PID1: variants seen among roughly 807,000 people sequenced by gnomAD.
PID1 encodes PTB-containing, cubilin and LRP1-interacting protein.
In PID1, 10 loss-of-function variants were observed where a neutral mutation model predicts 19.1. The observed-to-expected ratio is 0.52, with a 90% CI of 0.32 to 0.89. The LOEUF (loss-of-function observed/expected upper bound fraction) is 0.89. PID1 is among the 40% of genes least tolerant of loss of function. The probability of loss-of-function intolerance (pLI) is 0.03; values close to 1 mark genes in which losing one functional copy is unlikely to be tolerated. For synonymous variants in PID1, 130 were observed against 116.0 expected (o/e 1.12, Z -0.78); for missense variants, 248 against 285.3 (o/e 0.87, Z 0.94).
At chr2:229,177,832 C>A (rs999256323) in intron 1 of PID1, among the ~76,000 whole-genome samples, 2 of 152,150 alleles carry the variant, frequency 1.3e-5, no homozygotes, top group African/African-American at 4.8e-5. Context: ...TCAGGAAATG[C>A]TCACGACAAT....
chr2:229,135,461 T>G (rs941585606), intron 2 of PID1, among the ~76,000 whole-genome samples: 3 of 152,110 alleles, frequency 2.0e-5, no homozygotes, highest in Non-Finnish European at 4.4e-5. Context: ...AGAGACAGAA[T>G]TACACTTACA....
intron 1 of PID1, among the ~76,000 whole-genome samples, chr2:229,157,031 C>T (rs1321775362): frequency 6.6e-6 from 1 of 152,172 alleles, no homozygotes; most frequent in Non-Finnish European, 1.5e-5. Context: ...AGCCCTTCCT[C>T]ATCAAAATAT....
chr2:229,138,980 G>GAAGAACGA lies in PID1; in HGVS notation c.177+16837_177+16838insTCGTTCTT, dbSNP rs1329960601. Among the ~76,000 whole-genome samples, 157 of 67,042 alleles carry GAAGAACGA rather than the reference G, an allele frequency of 2.3e-3. 5 individuals carry two copies. Among genetic ancestry groups the GAAGAACGA allele is most frequent in the African/African-American group, 8.9e-3 (144 of 16,212 alleles). 44.0% of individuals were successfully genotyped at this position (67,042 alleles called of 152,430 possible). Reference sequence around the variant, plus strand: ...AAAGAGAAATAAATAGAAAAAAATAGAAGAAAGAAAGAAAGAAAGAAAGAA... The same window carrying GAAGAACGA: ...AAAGAGAAATAAATAGAAAAAAATAGAAGAACGAAAGAAAGAAAGAAAGAAAGAAAGAA... On this transcript the variant is annotated intron_variant, in intron 2 of 2. Coordinates refer to ENST00000392055, the MANE Select transcript of PID1 (RefSeq NM_001100818.2).
At chr2:229,156,517 G>A (rs760223810) in intron 1 of PID1, among the ~76,000 whole-genome samples, 5 of 152,104 alleles carry the variant, frequency 3.3e-5, no homozygotes. Flanking sequence ...CATTTCATAT[G>A]CAACATCCAT....
At chr2:229,175,518 T>C (rs1445546414) in intron 1 of PID1, among the ~76,000 whole-genome samples, 1 of 152,328 alleles carries the variant, frequency 6.6e-6, no homozygotes, top group Non-Finnish European at 1.5e-5. Context: ...CTGAACAACA[T>C]TTTTGTATTT....
chr2:229,050,703 T>G (rs1261361514), intron 2 of PID1, among the ~76,000 whole-genome samples: 1 of 152,160 alleles, frequency 6.6e-6, no homozygotes, highest in Non-Finnish European at 1.5e-5. Context: ...ATTAGCCATC[T>G]GGTCACTGAG....
intron 1 of PID1, among the ~76,000 whole-genome samples, chr2:229,213,195 C>T (rs139328074): frequency 1.1e-3 from 171 of 152,208 alleles, no homozygotes; most frequent in African/African-American, 3.7e-3. Context: ...TTGTCACTGG[C>T]AAAATGCCCA....
chr2:229,238,548 A>C (rs1407022484), intron 1 of PID1, among the ~76,000 whole-genome samples: 1 of 152,214 alleles, frequency 6.6e-6, no homozygotes, highest in African/African-American at 2.4e-5. Flanking sequence ...CCTTACGAAT[A>C]AAGTACAGCA....
At chr2:229,234,527 C>T (rs572116679) in intron 1 of PID1, among the ~76,000 whole-genome samples, 2 of 152,320 alleles carry the variant, frequency 1.3e-5, no homozygotes, top group South Asian at 4.1e-4. Flanking sequence ...TCAGCCCTAA[C>T]AACACCTTGA....
intron 1 of PID1, among the ~76,000 whole-genome samples, chr2:229,185,571 T>C (rs903607582): frequency 6.6e-6 from 1 of 152,190 alleles, no homozygotes; most frequent in Non-Finnish European, 1.5e-5. Flanking sequence ...AGTCACATCT[T>C]ACATGAATGG....
At chr2:229,224,850 C>G (rs920034360) in intron 1 of PID1, among the ~76,000 whole-genome samples, 1 of 142,276 alleles carries the variant, frequency 7.0e-6, no homozygotes, top group Admixed American at 7.0e-5. Flanking sequence ...AAAAAAAAAC[C>G]TATATTCAAA....
At chr2:229,254,153 G>GAAC (rs971089618) in intron 1 of PID1, among the ~76,000 whole-genome samples, 1 of 151,934 alleles carries the variant, frequency 6.6e-6, no homozygotes, top group Non-Finnish European at 1.5e-5. Flanking sequence ...CATTCATTAC[G>GAAC]AACAACAACA....
chr2:229,203,461 GA>G (rs1002894332), intron 1 of PID1, among the ~76,000 whole-genome samples: 11 of 151,342 alleles, frequency 7.3e-5, no homozygotes, highest in African/African-American at 2.7e-4. Context: ...ACATTGATGA[GA>G]AAAAAAATGG....
chr2:229,136,047 C>CA (rs1689852395), intron 2 of PID1, among the ~76,000 whole-genome samples: 1 of 152,142 alleles, frequency 6.6e-6, no homozygotes, highest in East Asian at 1.9e-4. Context: ...GTTTAGGTTA[C>CA]AAAAAAACTC....
intron 1 of PID1, among the ~76,000 whole-genome samples, chr2:229,162,503 G>T (rs6745401): frequency 0.32 from 48,038 of 152,074 alleles, 8,371 homozygotes; most frequent in East Asian, 0.71. Flanking sequence ...GTTGAAGACA[G>T]ACTATAATGG....
chr2:229,148,699 G>A (rs999334091), intron 2 of PID1, among the ~76,000 whole-genome samples: 7 of 151,322 alleles, frequency 4.6e-5, no homozygotes, highest in Admixed American at 2.6e-4. Flanking sequence ...GAGAGAAAGC[G>A]AAGGAGGAAA....
intron 2 of PID1, among the ~76,000 whole-genome samples, chr2:229,046,928 T>C (rs140499382): frequency 1.3e-3 from 191 of 152,256 alleles, no homozygotes; most frequent in Middle Eastern, 3.4e-3. Context: ...CTTATAAAAA[T>C]TGAATCACTC....
intron 1 of PID1, among the ~76,000 whole-genome samples, chr2:229,227,250 T>C (rs576801584): frequency 2.0e-5 from 3 of 152,210 alleles, no homozygotes; most frequent in Non-Finnish European, 4.4e-5. Flanking sequence ...AAATTTAAAT[T>C]TACTAAAGCT....
In PID1 at chr2:229,069,372, G is replaced by A. The variant is rs377101556; in HGVS notation, c.178-43264C>T. On this transcript the variant is annotated intron_variant, in intron 2 of 2. Transcript: ENST00000392055. ...GGAGAGAGGCGCCAGGCACAGTGGA[G>A]GGTATGCCTGTTCTGTTGGTGTGAG... Among the ~76,000 whole-genome samples, 104 of 152,208 alleles carry A rather than the reference G, an allele frequency of 6.8e-4. 1 individual carries two copies. The South Asian group carries it at 0.02, about 29-fold the overall frequency.
Sources: gnomAD v4.1 joint callset for allele counts (sites outside exome capture counted in the v4.1 genomes callset) on GRCh38, gnomAD v4.1.1 for gene constraint, MANE v1.5 for transcripts, NCBI Gene and HGNC (gene_info 2026-07-23, HGNC 2026-07-21) for gene names.